The following SYNE1 variants were observed in gnomAD, a reference collection of about 807,000 sequenced individuals.
SYNE1 encodes the protein nesprin-1.
A neutral mutation model predicts 1,111.0 loss-of-function variants in SYNE1; 616 were observed. The ratio of observed to expected loss-of-function variants is 0.55; its 90% CI spans 0.52 to 0.59. SYNE1 has a LOEUF of 0.59. SYNE1 is among the 20% of genes least tolerant of loss of function. The pLI, the probability that SYNE1 is intolerant of heterozygous loss-of-function variation, is 0.00. For synonymous variants in SYNE1, 3,855 were observed against 3,825.8 expected (o/e 1.01, Z -0.28); for missense variants, 10,006 against 10,417.0 (o/e 0.96, Z 1.72).
In SYNE1 at chr6:152,623,188, T is replaced by C. The variant is rs185693641; in HGVS notation, c.67+5077A>G. On this transcript the variant is annotated intron_variant, in intron 3 of 145. Coordinates refer to ENST00000367255, the MANE Select transcript of SYNE1 (RefSeq NM_182961.4). ...TGGAACAGAACAGAGAACCCAGAAA[T>C]AAGACCACATAGCAACAAACATCTG... is the stretch of plus-strand genomic sequence containing the variant. Among the ~76,000 whole-genome samples the C allele has an allele frequency of 2.3e-4, 35 of 152,042 alleles. 1 individual carries two copies. The East Asian group carries it at 5.4e-3, about 24-fold the overall frequency.
Position 152,484,795 on chromosome 6 carries a change from A to G in SYNE1, c.1185+40T>C, listed in dbSNP as rs1434091230. The G allele has an allele frequency of 1.9e-6, 3 of 1,608,014 alleles. No homozygotes were observed. In the African/African-American group the frequency reaches 4.0e-5, roughly 22 times the overall value. ...GATGATGAAAAATATTCTTTTCTAA[A>G]TTTATTAAGCTCAGTATAACTAATT... is the stretch of plus-strand genomic sequence containing the variant. On this transcript the variant is annotated intron_variant, in intron 13 of 145. Transcript: ENST00000367255.
chr6:152,608,737 C>A (rs1202497899), intron 3 of SYNE1, among the ~76,000 whole-genome samples: 8 of 152,090 alleles, frequency 5.3e-5, no homozygotes, highest in Admixed American at 2.6e-4. Flanking sequence ...AGATGGAGAC[C>A]ATCCTGGCCA....
chr6:152,313,760 T>C (rs1367764362), intron 87 of SYNE1, among the ~76,000 whole-genome samples: 3 of 152,178 alleles, frequency 2.0e-5, no homozygotes, highest in East Asian at 1.9e-4. Context: ...TGCACTCTTT[T>C]TAAATAAACA....
chr6:152,520,557 G>T lies in SYNE1; in HGVS notation c.226-15C>A, dbSNP rs2099133970. On this transcript the variant is annotated splice_polypyrimidine_tract_variant and intron_variant, in intron 5 of 145. Transcript: ENST00000367255. ...TGTTCACAAGGCTGTAAAAAGTGGGGTAAAAAAGGGAATGAGACAAAATCT... is the reference window on the plus strand; with the variant it reads ...TGTTCACAAGGCTGTAAAAAGTGGGTTAAAAAAGGGAATGAGACAAAATCT... 2 of 1,613,136 alleles carry T rather than the reference G, an allele frequency of 1.2e-6. No homozygotes were observed. Among genetic ancestry groups the T allele is most frequent in the East Asian group, 4.5e-5 (2 of 44,868 alleles).
At chr6:152,224,269 T>G (rs1253293051) in intron 117 of SYNE1, among the ~76,000 whole-genome samples, 1 of 152,134 alleles carries the variant, frequency 6.6e-6, no homozygotes, top group Non-Finnish European at 1.5e-5. Flanking sequence ...TACAACAGGA[T>G]CTTGGAAACC....
Position 152,390,455 on chromosome 6 carries a change from G to A in SYNE1, c.8005-3C>T, listed in dbSNP as rs117084693. 220 of 1,613,852 alleles carry A rather than the reference G, an allele frequency of 1.4e-4. No homozygotes were observed. The East Asian group carries it at 4.4e-3, about 32-fold the overall frequency. On this transcript the variant is annotated splice_region_variant and splice_polypyrimidine_tract_variant and intron_variant, in intron 52 of 145. Coordinates refer to ENST00000367255, the MANE Select transcript of SYNE1 (RefSeq NM_182961.4). The stretch of plus-strand genomic sequence containing the variant: ...TCACCTTTCATCAGGAGAATATCCT[G>A]GGAAGGAAGAAAGAATACTCATCAG...
intron 3 of SYNE1, among the ~76,000 whole-genome samples, chr6:152,574,591 T>G (rs570447160): frequency 1.3e-4 from 20 of 152,142 alleles, no homozygotes; most frequent in Non-Finnish European, 1.6e-4. Context: ...TTGGACTAAA[T>G]GAAGCTTTGA....
intron 16 of SYNE1, among the ~76,000 whole-genome samples, chr6:152,470,115 C>T (rs2098797127): frequency 6.6e-6 from 1 of 152,146 alleles, no homozygotes. Context: ...ATGAAAGTTA[C>T]AAGGCAGTTT....
chr6:152,244,776 A>G (rs2086684893), intron 105 of SYNE1, 120 bp from the exon 106 acceptor site: 1 of 1,313,898 alleles, frequency 7.6e-7, no homozygotes, highest in Non-Finnish European at 1.1e-6. Flanking sequence ...CAATATATAC[A>G]AAAGGAATCA....
intron 22 of SYNE1, chr6:152,456,832 A>G: frequency 2.8e-6 from 1 of 355,408 alleles, no homozygotes; most frequent in Non-Finnish European, 5.7e-6. Context: ...CAAACTGCTC[A>G]TTTGGATGCC....
chr6:152,560,716 C>A (rs1056615832), intron 3 of SYNE1, among the ~76,000 whole-genome samples: 12 of 152,042 alleles, frequency 7.9e-5, no homozygotes, highest in Admixed American at 7.9e-4. Context: ...TTCAACATGA[C>A]CATGGTCGAT....
At chr6:152,518,884 G>A (rs1442186189) in intron 6 of SYNE1, among the ~76,000 whole-genome samples, 2 of 150,748 alleles carry the variant, frequency 1.3e-5, no homozygotes, top group African/African-American at 2.4e-5. Context: ...GAGAGAGAGA[G>A]AAGCACAGAT....
At chr6:152,443,904 C>A (rs1292632168) in intron 30 of SYNE1, among the ~76,000 whole-genome samples, 12 of 152,138 alleles carry the variant, frequency 7.9e-5, no homozygotes, top group African/African-American at 2.7e-4. Flanking sequence ...ACCAGAATTT[C>A]TTTATTTCTA....
chr6:152,318,696 T>C (rs1042047481), intron 85 of SYNE1, among the ~76,000 whole-genome samples, 167 bp downstream of exon 85: 4 of 152,248 alleles, frequency 2.6e-5, no homozygotes, highest in Non-Finnish European at 5.9e-5. Context: ...ATCAATTATG[T>C]AAGAGGATCT....
At chr6:152,549,382 C>A (rs1422305110) in intron 3 of SYNE1, among the ~76,000 whole-genome samples, 2 of 152,142 alleles carry the variant, frequency 1.3e-5, no homozygotes, top group Non-Finnish European at 2.9e-5. Context: ...TGGCTTAAGC[C>A]ACAGAGTTTT....
At chr6:152,216,789 C>T (rs1476951193) in intron 121 of SYNE1, among the ~76,000 whole-genome samples, 2 of 152,324 alleles carry the variant, frequency 1.3e-5, no homozygotes, top group African/African-American at 4.8e-5. Context: ...GGCACAGTGG[C>T]TCATGCCTGT....
intron 22 of SYNE1, among the ~76,000 whole-genome samples, chr6:152,458,249 T>G (rs970506832): frequency 1.2e-4 from 18 of 152,166 alleles, no homozygotes; most frequent in African/African-American, 1.9e-4. Context: ...TGGGTACCCT[T>G]AATGTTTGAA....
At chr6:152,544,257 G>A (rs17082766) in intron 3 of SYNE1, among the ~76,000 whole-genome samples, 4,584 of 152,184 alleles carry the variant, frequency 0.03, 249 homozygotes, top group African/African-American at 0.1. Context: ...TTTAAGACCA[G>A]TTTTTGGTGT....
intron 129 of SYNE1, among the ~76,000 whole-genome samples, chr6:152,179,713 T>A (rs1314799862): frequency 8.2e-6 from 1 of 122,006 alleles, no homozygotes; most frequent in East Asian, 2.6e-4. Flanking sequence ...TGAGACAGAG[T>A]CTCGTTCTGT....
Sources: allele counts gnomAD v4.1 joint callset (sites outside exome capture counted in the v4.1 genomes callset), GRCh38; gene constraint gnomAD v4.1.1; transcripts MANE v1.5; gene names NCBI Gene and HGNC (gene_info 2026-07-23, HGNC 2026-07-21).